ADAMTS14: variants seen among roughly 807,000 people sequenced by gnomAD.
The protein encoded by ADAMTS14 is A disintegrin and metalloproteinase with thrombospondin motifs 14.
A neutral mutation model predicts 128.6 loss-of-function variants in ADAMTS14; 100 were observed. The observed-to-expected ratio is 0.78, with a 90% CI of 0.66 to 0.92. The LOEUF (loss-of-function observed/expected upper bound fraction) is 0.92. Ranked by LOEUF, ADAMTS14 falls within the 40% of genes least tolerant of loss-of-function variation. The pLI is 0.00. For missense variants in ADAMTS14, 1,562 were observed against 1,658.6 expected, an observed-to-expected ratio of 0.94 and a Z score of 1.01; for synonymous variants, 665 against 653.8, an observed-to-expected ratio of 1.02 and a Z score of -0.26.
chr10:70,755,586 T>C (rs763497266), intron 19 of ADAMTS14, among the ~76,000 whole-genome samples: 6 of 152,258 alleles, frequency 3.9e-5, no homozygotes, highest in Non-Finnish European at 8.8e-5. Context: ...GGCTCACGCC[T>C]GTAATCCCAC....
intron 6 of ADAMTS14, among the ~76,000 whole-genome samples, chr10:70,731,053 G>A (rs915368317): frequency 6.2e-5 from 7 of 112,780 alleles, no homozygotes; most frequent in Non-Finnish European, 1.1e-4. Flanking sequence ...CCCCAAATGT[G>A]GTTTTACACA....
At chr10:70,685,395 A>T (rs1490598817) in intron 2 of ADAMTS14, among the ~76,000 whole-genome samples, 1 of 152,150 alleles carries the variant, frequency 6.6e-6, no homozygotes, top group Non-Finnish European at 1.5e-5. Context: ...CTGTCAACAT[A>T]AGCTCAGGCA....
At chr10:70,708,429 C>T (rs1840730611) in intron 3 of ADAMTS14, among the ~76,000 whole-genome samples, 159 bp from the exon 4 acceptor site, 1 of 152,228 alleles carries the variant, frequency 6.6e-6, no homozygotes, top group African/African-American at 2.4e-5. Context: ...GGCTCTTGCC[C>T]ATGAGTTGAC....
chr10:70,741,571 A>G (rs574521433), intron 12 of ADAMTS14, among the ~76,000 whole-genome samples: 1 of 152,264 alleles, frequency 6.6e-6, no homozygotes, highest in African/African-American at 2.4e-5. Flanking sequence ...CCGTTGCATG[A>G]CCAGTGTCCT....
intron 11 of ADAMTS14, among the ~76,000 whole-genome samples, chr10:70,739,689 T>C (rs1272963538): frequency 3.9e-5 from 6 of 152,130 alleles, no homozygotes; most frequent in African/African-American, 1.4e-4. Context: ...CAACAGGGCC[T>C]GGCCTGACCC....
chr10:70,756,258 A>G (rs1842477340), intron 19 of ADAMTS14, among the ~76,000 whole-genome samples: 1 of 152,236 alleles, frequency 6.6e-6, no homozygotes. Context: ...TTTTGTGAAT[A>G]ACTCCATACT....
intron 1 of ADAMTS14, among the ~76,000 whole-genome samples, chr10:70,674,275 G>T (rs548315856): frequency 7.9e-5 from 12 of 152,220 alleles, no homozygotes; most frequent in Non-Finnish European, 1.3e-4. Context: ...CTTGTTGCTA[G>T]TGACCGGGCT....
chr10:70,734,358 T>C (rs1042303051), intron 8 of ADAMTS14, among the ~76,000 whole-genome samples: 29 of 152,280 alleles, frequency 1.9e-4, no homozygotes, highest in African/African-American at 6.3e-4. Flanking sequence ...GTGATACTTA[T>C]GCCTGCTGAA....
chr10:70,741,141 G>A lies in ADAMTS14; in HGVS notation c.1903G>A (p.Val635Met). The A allele has an allele frequency of 3.7e-6, 6 of 1,613,484 alleles. No homozygotes were observed. Among genetic ancestry groups the A allele is most frequent in the South Asian group, 1.1e-5 (1 of 91,080 alleles). Residue 635 changes from valine (V) to methionine (M), a missense_variant, in exon 12 of 22, where the codon GTG (valine) becomes ATG (methionine). Coordinates refer to ENST00000373207, the MANE Select transcript of ADAMTS14 (RefSeq NM_080722.4). ...YVHQNAKHSW[V>M]PYEPDDDAQK... is the part of the protein sequence containing the mutation. The stretch of plus-strand genomic sequence containing the variant: ...GCACCAGAATGCCAAGCACAGCTGG[G>A]TGCCCTACGAGCCTGACGATGGTGA...
chr10:70,755,404 G>A (rs554850390), intron 19 of ADAMTS14, among the ~76,000 whole-genome samples: 1 of 152,284 alleles, frequency 6.6e-6, no homozygotes, highest in South Asian at 2.1e-4. Flanking sequence ...GTGATTTCCA[G>A]GGGCTGCTGG....
intron 8 of ADAMTS14, among the ~76,000 whole-genome samples, chr10:70,734,571 G>C (rs1841764284): frequency 6.6e-6 from 1 of 152,170 alleles, no homozygotes; most frequent in Non-Finnish European, 1.5e-5. Flanking sequence ...TCCCATCCTT[G>C]GCCCCAGCAG....
At chr10:70,714,938 TG>T (rs1840984873) in intron 4 of ADAMTS14, among the ~76,000 whole-genome samples, 1 of 111,944 alleles carries the variant, frequency 8.9e-6, no homozygotes, top group Non-Finnish European at 1.7e-5. Context: ...AGAGGGAGAC[TG>T]CAGTCTCAAA....
Position 70,674,880 on chromosome 10 carries a change from G to A in ADAMTS14, c.407G>A (p.Trp136Ter). Residue 136 changes from tryptophan (W) to a stop codon, truncating the protein, a stop_gained, in exon 2 of 22, where the codon TGG becomes TAG. Transcript: ENST00000373207. LOFTEE classifies it high-confidence loss of function. ...RLVVPGSSVE[W>*]QEDFRELFRQ... ...GTAGTGCCAGGATCCTCAGTGGAGT[G>A]GCAGGAGGATTTTCGGGAGCTGTTC... 1 of 1,613,752 alleles carries A rather than the reference G, an allele frequency of 6.2e-7. No individual in the cohort carries two copies. Among genetic ancestry groups the A allele is most frequent in the Non-Finnish European group, 8.5e-7 (1 of 1,180,044 alleles).
At chr10:70,679,532 T>A (rs1290672261) in intron 2 of ADAMTS14, among the ~76,000 whole-genome samples, 1 of 152,154 alleles carries the variant, frequency 6.6e-6, no homozygotes, top group Non-Finnish European at 1.5e-5. Context: ...GGGTCCCTGC[T>A]TCTCAGTGGG....
At chr10:70,718,269 T>C (rs1254324790) in intron 4 of ADAMTS14, among the ~76,000 whole-genome samples, 1 of 152,130 alleles carries the variant, frequency 6.6e-6, no homozygotes, top group Non-Finnish European at 1.5e-5. Context: ...TTTTTGGTCT[T>C]TTTCTCTTCT....
At chr10:70,730,377 G>A (rs961852796) in intron 6 of ADAMTS14, 128 bp downstream of exon 6, 3 of 1,275,466 alleles carry the variant, frequency 2.4e-6, no homozygotes, top group Non-Finnish European at 3.2e-6. Flanking sequence ...GATGGGACCT[G>A]GACAGCCGAG....
intron 2 of ADAMTS14, among the ~76,000 whole-genome samples, chr10:70,691,791 G>A (rs1354816870): frequency 6.6e-6 from 1 of 152,170 alleles, no homozygotes; most frequent in Non-Finnish European, 1.5e-5. Context: ...TGAAGTAAGA[G>A]GCGTGCGGTA....
intron 2 of ADAMTS14, among the ~76,000 whole-genome samples, chr10:70,682,117 G>A (rs1839827200): frequency 6.6e-6 from 1 of 152,174 alleles, no homozygotes; most frequent in South Asian, 2.1e-4. Flanking sequence ...TTAAATGTGT[G>A]CATTTCCTGG....
intron 2 of ADAMTS14, among the ~76,000 whole-genome samples, chr10:70,699,448 A>G (rs1423457160): frequency 4.6e-5 from 7 of 152,222 alleles, no homozygotes; most frequent in Admixed American, 4.6e-4. Flanking sequence ...GTGTCCCTAC[A>G]CAGAATCTGT....
Sources: allele counts gnomAD v4.1 joint callset (sites outside exome capture counted in the v4.1 genomes callset), GRCh38; gene constraint gnomAD v4.1.1; transcripts MANE v1.5; gene names NCBI Gene and HGNC (gene_info 2026-07-23, HGNC 2026-07-21).